The following DEF8 variants were observed in gnomAD, a reference collection of about 807,000 sequenced individuals.
DEF8 encodes DEF-8.
In DEF8, 38 loss-of-function variants were observed where a neutral mutation model predicts 59.1. The observed-to-expected ratio is 0.64, with a 90% CI of 0.50 to 0.84. The LOEUF is 0.84. Ranked by LOEUF, DEF8 falls within the 40% of genes least tolerant of loss-of-function variation. The pLI is 0.00. For missense variants in DEF8, 557 were observed against 615.2 expected, an observed-to-expected ratio of 0.91 and a Z score of 1.00; for synonymous variants, 265 against 250.1, an observed-to-expected ratio of 1.06 and a Z score of -0.56.
intron 4 of DEF8, among the ~76,000 whole-genome samples, chr16:89,956,284 G>A (rs564266025): frequency 2.2e-4 from 33 of 151,428 alleles, no homozygotes; most frequent in Middle Eastern, 3.4e-3. Context: ...CTGAAACCCC[G>A]TCTCTACTAA....
chr16:89,952,251 G>A (rs1241826175), intron 2 of DEF8, among the ~76,000 whole-genome samples: 2 of 152,314 alleles, frequency 1.3e-5, no homozygotes, highest in Non-Finnish European at 1.5e-5. Flanking sequence ...TCCTGCCTTG[G>A]CCTTCCAGAG....
chr16:89,963,861 C>T, intron 10 of DEF8: 1 of 520,698 alleles, frequency 1.9e-6, no homozygotes, highest in Non-Finnish European at 3.5e-6. Flanking sequence ...GGGTGGTGAA[C>T]TCTGTGACAA....
chr16:89,957,457 CAG>C, intron 4 of DEF8, 52 bp from the exon 5 acceptor site: 2 of 1,532,492 alleles, frequency 1.3e-6, no homozygotes, highest in Non-Finnish European at 1.8e-6. Context: ...TGGGCCTTAA[CAG>C]GGAGCTCCTG....
rs921164209 is a variant in DEF8 at position 89,966,111 on chromosome 16, GC to G, written c.*151del. 1.2e-5 allele frequency: 7 copies of G among 592,502 alleles called. No homozygotes were observed. Among genetic ancestry groups the G allele is most frequent in the Non-Finnish European group, 2.1e-5 (7 of 337,494 alleles). The allele number at this position is 592,502 out of a possible 1,614,324, so 36.7% of individuals were successfully genotyped here. Reference sequence around the variant, plus strand: ...GCCAGAGCGGGTGGGCAGTGTCAAGGCCCGCTGTCTCCCAGGTGCTTGCTGG... The same window carrying G: ...GCCAGAGCGGGTGGGCAGTGTCAAGGCCGCTGTCTCCCAGGTGCTTGCTGG... On this transcript the variant is annotated 3_prime_UTR_variant, in exon 13 of 13. Transcript: ENST00000563594.
intron 12 of DEF8, among the ~76,000 whole-genome samples, chr16:89,965,439 G>A (rs968869608): frequency 3.3e-5 from 5 of 152,244 alleles, no homozygotes; most frequent in African/African-American, 1.2e-4. Context: ...CGTTTGCTCA[G>A]TGTCTGACAG....
intron 7 of DEF8, 150 bp from the exon 8 acceptor site, chr16:89,961,587 T>A: frequency 2.1e-6 from 2 of 930,772 alleles, no homozygotes; most frequent in Admixed American, 2.1e-5. Context: ...AGTGAGACGC[T>A]GGGACCACCT....
chr16:89,951,253 ATCTTT>A (rs1178613542), intron 2 of DEF8, among the ~76,000 whole-genome samples: 1 of 151,546 alleles, frequency 6.6e-6, no homozygotes, highest in African/African-American at 2.4e-5. Flanking sequence ...ATCAGTCAGA[ATCTTT>A]TCTTTTTTTT....
At chr16:89,952,212 A>G (rs1051196041) in intron 2 of DEF8, among the ~76,000 whole-genome samples, 15 of 152,202 alleles carry the variant, frequency 9.9e-5, no homozygotes, top group Admixed American at 5.9e-4. Flanking sequence ...ATAGGGCCTC[A>G]TTGCATTGGG....
rs144455900 is a variant in DEF8, at chr16:89,967,038, G to A, written c.*1075G>A. 2,537 of 364,902 alleles carry A rather than the reference G, an allele frequency of 7.0e-3. 13 individuals are homozygous for A. Among genetic ancestry groups the A allele is most frequent in the Admixed American group, 0.013 (273 of 21,554 alleles). The allele number at this position is 364,902 out of a possible 1,614,324, so 22.6% of individuals were successfully genotyped here. ...GGGACAGAGGCCCCTGGGCAGCAGA[G>A]GAAACCTACAGCTCTGGGTGAGGGG... On this transcript the variant is annotated 3_prime_UTR_variant, in exon 13 of 13. Coordinates refer to ENST00000563594, the MANE Select transcript of DEF8 (RefSeq NM_001242818.2).
intron 2 of DEF8, among the ~76,000 whole-genome samples, chr16:89,950,887 G>A (rs548064320): frequency 6.6e-6 from 1 of 152,234 alleles, no homozygotes; most frequent in African/African-American, 2.4e-5. Context: ...AGGCTAATAT[G>A]GGAGGACCCC....
rs924817209 is a variant in DEF8 at position 89,967,722 on chromosome 16, C to T, written c.*1759C>T. On this transcript the variant is annotated 3_prime_UTR_variant, in exon 13 of 13. Coordinates refer to ENST00000563594, the MANE Select transcript of DEF8 (RefSeq NM_001242818.2). The stretch of plus-strand genomic sequence containing the variant: ...TCTGTCATATGGATATTAGCCATTC[C>T]GAAATCTGTGTAATCAACTTCACAT... 1.1e-5 allele frequency: 4 copies of T among 368,940 alleles called. No homozygotes were observed. Among genetic ancestry groups the T allele is most frequent in the East Asian group, 4.0e-5 (1 of 25,276 alleles). The allele number at this position is 368,940 out of a possible 1,614,324, so 22.9% of individuals were successfully genotyped here.
rs1205730215 is a variant in DEF8 at position 89,961,782 on chromosome 16, A to T, written c.725A>T (p.Tyr242Phe). The change falls in exon 8 of 13, where the codon TAC becomes TTC. Residue 242 changes from tyrosine (Y) to phenylalanine (F), a missense_variant. By Grantham distance (22) the Tyr-to-Phe change is conservative. Coordinates refer to ENST00000563594, the MANE Select transcript of DEF8 (RefSeq NM_001242818.2). Reference protein sequence around the residue: ...EARQCDYTGQYYCSHCHWNDL... With the variant: ...EARQCDYTGQFYCSHCHWNDL... Reference sequence around the variant, plus strand: ...AGGCAGTGCGACTACACCGGCCAGTACTACTGCAGCCACTGCCACTGGAAC... The same window carrying T: ...AGGCAGTGCGACTACACCGGCCAGTTCTACTGCAGCCACTGCCACTGGAAC... 1 of 1,613,312 alleles carries T rather than the reference A, an allele frequency of 6.2e-7. No individual in the cohort carries two copies. The highest frequency in any genetic ancestry group is 1.3e-5 in the African/African-American group (1 of 74,910).
At chr16:89,963,242 C>G (rs1486251431) in intron 9 of DEF8, 121 bp from the exon 10 acceptor site, 2 of 727,250 alleles carry the variant, frequency 2.8e-6, no homozygotes, top group African/African-American at 3.6e-5. Context: ...GCACTCAGAT[C>G]TCGGCCCTTC....
Position 89,965,983 on chromosome 16 carries a change from G to A in DEF8, c.*20G>A. 1 of 1,589,324 alleles carries A rather than the reference G, an allele frequency of 6.3e-7. No homozygotes were observed. The highest frequency in any genetic ancestry group is 8.6e-7 in the Non-Finnish European group (1 of 1,162,496). The stretch of plus-strand genomic sequence containing the variant: ...GCCTAGCGCCGAGGAACAGTGCTGG[G>A]CACCCCGCCTGGCCCGCCAGGACCC... On this transcript the variant is annotated 3_prime_UTR_variant, in exon 13 of 13. Transcript: ENST00000563594.
At chr16:89,965,797 CG>C in intron 12 of DEF8, 63 bp from the exon 13 acceptor site, 1 of 1,101,736 alleles carries the variant, frequency 9.1e-7, no homozygotes, top group Non-Finnish European at 1.3e-6. Context: ...TGACCTAGGA[CG>C]CTTGGGGGGA....
intron 6 of DEF8, among the ~76,000 whole-genome samples, chr16:89,960,394 AG>A (rs1408394277): frequency 6.6e-6 from 1 of 152,160 alleles, no homozygotes; most frequent in Non-Finnish European, 1.5e-5. Flanking sequence ...CTGTAATCCT[AG>A]GGTTTTCCAG....
chr16:89,950,390 ATT>A (rs370010270), intron 2 of DEF8: 16,083 of 821,608 alleles, frequency 0.02, no homozygotes, highest in South Asian at 0.029. Context: ...ATCAGGGCTG[ATT>A]TTTTTTTTTT....
Position 89,961,066 on chromosome 16 carries a change from G to C in DEF8, c.650G>C (p.Cys217Ser). The change falls in exon 7 of 13, where the codon TGT becomes TCT. Residue 217 changes from cysteine to serine, a missense_variant. Transcript: ENST00000563594. Reference sequence around the variant, plus strand: ...GGGCTGGACAGCCAGGATTACCGCTGTGCCGAGTGCCGGGCGCCCATCTCT... The same window carrying C: ...GGGCTGGACAGCCAGGATTACCGCTCTGCCGAGTGCCGGGCGCCCATCTCT... ...ETGLDSQDYR[C>S]AECRAPISLR... 6.2e-7 allele frequency: 1 copy of C among 1,613,126 alleles called. No homozygotes were observed. Among genetic ancestry groups the C allele is most frequent in the Non-Finnish European group, 8.5e-7 (1 of 1,179,216 alleles).
rs1012708809 is a variant in DEF8, at chr16:89,954,502, G to T, written c.124+126G>T. 1 of 1,060,874 alleles carries T rather than the reference G, an allele frequency of 9.4e-7. No homozygotes were observed. The highest frequency in any genetic ancestry group is 1.6e-5 in the African/African-American group (1 of 62,750). The allele number at this position is 1,060,874 out of a possible 1,614,324, so 65.7% of individuals were successfully genotyped here. A position where few individuals can be genotyped will look rare whatever the true frequency, so the allele number is the denominator to read the frequency against. ...CCCACGGAGCCGGCACCTGCTGGCT[G>T]TGTTCTTTTTCCCATCTCTTCTGTG... On this transcript the variant is annotated intron_variant, in intron 3 of 12. Transcript: ENST00000563594. The surrounding 1 kb of genome is among the most constrained non-coding windows in gnomAD (Gnocchi z 4.3).
Sources: gnomAD v4.1 joint callset for allele counts (sites outside exome capture counted in the v4.1 genomes callset) on GRCh38, gnomAD v4.1.1 for gene constraint, Gnocchi (gnomAD v3.1) non-coding constraint, MANE v1.5 for transcripts, NCBI Gene and HGNC (gene_info 2026-07-23, HGNC 2026-07-21) for gene names.